The following UGT1A8 variants were observed in gnomAD, a reference collection of about 807,000 sequenced individuals.
UGT1A8 encodes UDP glucuronosyltransferase family 1 member A8.
A neutral mutation model predicts 45.3 loss-of-function variants in UGT1A8; 39 were observed. That is an observed-to-expected ratio of 0.86 (90% CI 0.67 to 1.12). The LOEUF is 1.12. Among genes scored for constraint, UGT1A8 ranks in the 50% most tolerant of loss-of-function variants. The pLI, the probability that UGT1A8 is intolerant of heterozygous loss-of-function variation, is 0.00. For missense variants in UGT1A8, 719 were observed against 664.9 expected (o/e 1.08, Z -0.90); for synonymous variants, 275 against 249.2 (o/e 1.10, Z -0.97).
chr2:233,765,533 A>G (rs1474506324), intron 1 of UGT1A8, among the ~76,000 whole-genome samples: 2 of 151,964 alleles, frequency 1.3e-5, no homozygotes, highest in African/African-American at 4.8e-5. Flanking sequence ...GCATGTTCTC[A>G]CTCATAAGTG....
intron 1 of UGT1A8, among the ~76,000 whole-genome samples, chr2:233,647,100 C>T (rs186577515): frequency 2.0e-5 from 3 of 152,162 alleles, no homozygotes; most frequent in African/African-American, 4.8e-5. Flanking sequence ...AGGAAAACTT[C>T]CATTTTTAAA....
At chr2:233,630,673 T>C (rs2073170488) in intron 1 of UGT1A8, among the ~76,000 whole-genome samples, 1 of 152,114 alleles carries the variant, frequency 6.6e-6, no homozygotes, top group African/African-American at 2.4e-5. Context: ...GCATGTCACA[T>C]GGCAAGAGCA....
chr2:233,749,225 A>AT, intron 1 of UGT1A8, among the ~76,000 whole-genome samples: 1 of 151,926 alleles, frequency 6.6e-6, no homozygotes, highest in Non-Finnish European at 1.5e-5. Flanking sequence ...TCTAAGCTTC[A>AT]TTTTTTAAAA....
Position 233,722,490 on chromosome 2 carries a change from A to G in UGT1A8, c.856-44544A>G, listed in dbSNP as rs147045039. Among the ~76,000 whole-genome samples the G allele has an allele frequency of 2.3e-3, 357 of 152,016 alleles. 2 individuals are homozygous for G. Among genetic ancestry groups the G allele is most frequent in the East Asian group, 0.02 (103 of 5,174 alleles). ...ATTTGTATATTCTTTTCACTGTTTC[A>G]TTTTCCGTTTCGTTAATTGCAGCTT... On this transcript the variant is annotated intron_variant, in intron 1 of 4. Coordinates refer to ENST00000373450, the MANE Select transcript of UGT1A8 (RefSeq NM_019076.5).
intron 1 of UGT1A8, among the ~76,000 whole-genome samples, chr2:233,635,811 G>A (rs550055899): frequency 6.6e-6 from 1 of 151,074 alleles, no homozygotes; most frequent in East Asian, 1.9e-4. Context: ...GCCCAGCAGA[G>A]TGTTCGCACA....
intron 1 of UGT1A8, among the ~76,000 whole-genome samples, chr2:233,751,862 A>G (rs1489873330): frequency 6.6e-6 from 1 of 152,176 alleles, no homozygotes; most frequent in Admixed American, 6.5e-5. Flanking sequence ...TGTCTTTTAT[A>G]AATTACCCCG....
intron 1 of UGT1A8, among the ~76,000 whole-genome samples, chr2:233,728,333 C>G (rs2077701109): frequency 6.6e-6 from 1 of 152,198 alleles, no homozygotes; most frequent in Non-Finnish European, 1.5e-5. Context: ...CCAGCTCCCC[C>G]AGTCCCTTGG....
intron 1 of UGT1A8, among the ~76,000 whole-genome samples, chr2:233,620,260 A>T (rs1300054229): frequency 6.6e-6 from 1 of 152,244 alleles, no homozygotes; most frequent in Non-Finnish European, 1.5e-5. Flanking sequence ...CGGCAAGATC[A>T]GGTGAAGAGA....
chr2:233,658,226 C>G (rs910344457), intron 1 of UGT1A8, among the ~76,000 whole-genome samples: 2 of 152,106 alleles, frequency 1.3e-5, no homozygotes, highest in African/African-American at 4.8e-5. Context: ...ACCATGTTGA[C>G]CAGGCTGGCC....
chr2:233,675,784 A>T, intron 1 of UGT1A8, among the ~76,000 whole-genome samples: 1 of 152,352 alleles, frequency 6.6e-6, no homozygotes, highest in Admixed American at 6.5e-5. Flanking sequence ...TTAAAAATAA[A>T]TTTGTATGTT....
At chr2:233,688,020 C>A (rs764299629) in intron 1 of UGT1A8, among the ~76,000 whole-genome samples, 1 of 152,224 alleles carries the variant, frequency 6.6e-6, no homozygotes, top group East Asian at 1.9e-4. Context: ...AATCAACCAT[C>A]ACCAATATCT....
chr2:233,719,071 G>A, intron 1 of UGT1A8: 1 of 1,614,278 alleles, frequency 6.2e-7, no homozygotes. Flanking sequence ...GCTGTTCCAT[G>A]GACCCAGAAG....
intron 1 of UGT1A8, chr2:233,690,926 C>G (rs990494432): frequency 9.8e-7 from 1 of 1,021,816 alleles, no homozygotes; most frequent in Non-Finnish European, 1.2e-6. Context: ...ATTTCTTCAG[C>G]TCCTTCCTCC....
intron 1 of UGT1A8, among the ~76,000 whole-genome samples, chr2:233,651,328 T>C (rs1216349651): frequency 6.6e-6 from 1 of 152,204 alleles, no homozygotes; most frequent in Non-Finnish European, 1.5e-5. Context: ...CGGAAAGCTA[T>C]GTGTGATTTT....
chr2:233,700,600 C>G (rs1244417909), intron 1 of UGT1A8, among the ~76,000 whole-genome samples: 1 of 152,134 alleles, frequency 6.6e-6, no homozygotes, highest in African/African-American at 2.4e-5. Context: ...ATACAATTCA[C>G]TCTTTTTTTG....
intron 1 of UGT1A8, among the ~76,000 whole-genome samples, chr2:233,766,326 C>A (rs192391946): frequency 2.6e-5 from 4 of 152,238 alleles, no homozygotes; most frequent in Non-Finnish European, 4.4e-5. Flanking sequence ...CCAAACTCCG[C>A]GTTGTTCTGC....
At chr2:233,680,864 G>A (rs2074500629) in intron 1 of UGT1A8, among the ~76,000 whole-genome samples, 1 of 152,062 alleles carries the variant, frequency 6.6e-6, no homozygotes, top group Non-Finnish European at 1.5e-5. Flanking sequence ...TCATTAGAGT[G>A]CTTGGGCAAG....
Position 233,772,398 on chromosome 2 carries a change from C to T in UGT1A8, c.1432C>T (p.Leu478Phe), listed in dbSNP as rs1433976375. 2.5e-6 allele frequency: 4 copies of T among 1,614,118 alleles called. No homozygotes were observed. The highest frequency in any genetic ancestry group is 3.4e-6 in the Non-Finnish European group (4 of 1,180,050). Residue 478 changes from leucine to phenylalanine, a missense_variant, in exon 5 of 5, where the codon CTC (leucine) becomes TTC (phenylalanine). Physicochemically the swap from Leu to Phe is conservative, Grantham distance 22. Transcript: ENST00000373450. Reference protein sequence around the residue: ...APHLRPAAHDLTWYQYHSLDV... With the variant: ...APHLRPAAHDFTWYQYHSLDV... The stretch of plus-strand genomic sequence containing the variant: ...ACACCTGCGCCCCGCAGCCCACGAC[C>T]TCACCTGGTACCAGTACCATTCCTT...
rs550981457 is a variant in UGT1A8, at chr2:233,769,346, G to C, written c.1295+907G>C. ...TAATAGGCTTATTAGAACCTTATGG[G>C]AAGAAGTGGTGGCCAGTGGTAGATT... On this transcript the variant is annotated intron_variant, in intron 4 of 4. Coordinates refer to ENST00000373450, the MANE Select transcript of UGT1A8 (RefSeq NM_019076.5). This position sits in a 1 kb window ranked among gnomAD's most constrained non-coding sequence, Gnocchi z 4.4. Among the ~76,000 whole-genome samples, 7 of 152,360 alleles carry C rather than the reference G, an allele frequency of 4.6e-5. No homozygotes were observed. In the South Asian group the frequency reaches 1.5e-3, roughly 32 times the overall value.
Sources: allele counts gnomAD v4.1 joint callset (sites outside exome capture counted in the v4.1 genomes callset), GRCh38; gene constraint gnomAD v4.1.1; non-coding constraint Gnocchi (gnomAD v3.1); transcripts MANE v1.5; gene names NCBI Gene and HGNC (gene_info 2026-07-23, HGNC 2026-07-21).